ATRNL1: variants seen among roughly 807,000 people sequenced by gnomAD.
ATRNL1 encodes the protein attractin-like protein 1.
A neutral mutation model predicts 182.7 loss-of-function variants in ATRNL1; 95 were observed. That is an observed-to-expected ratio of 0.52 (90% CI 0.44 to 0.62). The LOEUF (loss-of-function observed/expected upper bound fraction) is 0.62. Ranked by LOEUF, ATRNL1 falls within the 20% of genes least tolerant of loss-of-function variation. The pLI, the probability that ATRNL1 is intolerant of heterozygous loss-of-function variation, is 0.00. For synonymous variants in ATRNL1, 576 were observed against 568.3 expected, an observed-to-expected ratio of 1.01 and a Z score of -0.19; for missense variants, 1,471 against 1,679.5, an observed-to-expected ratio of 0.88 and a Z score of 2.17.
At chr10:115,350,346 G>A (rs4409744) in intron 19 of ATRNL1, among the ~76,000 whole-genome samples, 41,988 of 64,760 alleles carry the variant, frequency 0.65, 11,647 homozygotes, top group South Asian at 0.67. Context: ...AAAAAAAAAA[G>A]AAAAAAAAAA....
chr10:115,289,057 T>C (rs1435419280), intron 15 of ATRNL1, among the ~76,000 whole-genome samples: 3 of 152,156 alleles, frequency 2.0e-5, no homozygotes, highest in Non-Finnish European at 4.4e-5. Flanking sequence ...TCCACATGGC[T>C]GGGGAGGCCT....
At chr10:115,865,947 G>T (rs1951431603) in intron 28 of ATRNL1, among the ~76,000 whole-genome samples, 2 of 152,082 alleles carry the variant, frequency 1.3e-5, no homozygotes, top group South Asian at 4.1e-4. Context: ...CTTGTTTTTA[G>T]AAATAGTGAC....
At chr10:115,668,882 C>G (rs1291968801) in intron 26 of ATRNL1, among the ~76,000 whole-genome samples, 1 of 152,030 alleles carries the variant, frequency 6.6e-6, no homozygotes, top group East Asian at 1.9e-4. Context: ...TATGATTACT[C>G]AGTGTTTTCA....
At chr10:115,746,575 C>A (rs1421327729) in intron 27 of ATRNL1, among the ~76,000 whole-genome samples, 3 of 151,624 alleles carry the variant, frequency 2.0e-5, no homozygotes, top group African/African-American at 7.3e-5. Context: ...CAATATTGGC[C>A]CCTATTTTTT....
chr10:115,334,882 A>C (rs1264672948), intron 19 of ATRNL1, among the ~76,000 whole-genome samples: 1 of 152,138 alleles, frequency 6.6e-6, no homozygotes, highest in Non-Finnish European at 1.5e-5. Flanking sequence ...CTGGGCTGAA[A>C]TCCCAACTCT....
chr10:115,640,881 C>A (rs1373231799), intron 26 of ATRNL1, among the ~76,000 whole-genome samples: 2 of 152,044 alleles, frequency 1.3e-5, no homozygotes, highest in African/African-American at 4.8e-5. Context: ...CCTAGGTTTT[C>A]TTCTAGAGTT....
intron 1 of ATRNL1, among the ~76,000 whole-genome samples, chr10:115,116,897 T>C (rs1844510943): frequency 6.6e-6 from 1 of 152,026 alleles, no homozygotes; most frequent in South Asian, 2.1e-4. Flanking sequence ...GAAATTGTAC[T>C]ACTGAAGTTG....
At position 115,456,488 on chromosome 10, in the gene ATRNL1, G is replaced by A. The variant is rs113756258; in HGVS notation, c.3323-5453G>A. ...ATCACACACCAGGGCCTGTCATGGG[G>A]TGACGGGTAAGGTGAAGAATAGCGT... On this transcript the variant is annotated intron_variant, in intron 21 of 28. Coordinates refer to ENST00000355044, the MANE Select transcript of ATRNL1 (RefSeq NM_207303.4). Among the ~76,000 whole-genome samples, 474 of 152,216 alleles carry A rather than the reference G, an allele frequency of 3.1e-3. 4 individuals carry two copies. The highest frequency in any genetic ancestry group is 0.011 in the African/African-American group (456 of 41,534).
At chr10:115,333,654 T>G (rs185415252) in intron 18 of ATRNL1, among the ~76,000 whole-genome samples, 46 of 151,900 alleles carry the variant, frequency 3.0e-4, no homozygotes, top group Non-Finnish European at 5.6e-4. Flanking sequence ...CCAGCTAATT[T>G]TTTTGTATTT....
intron 27 of ATRNL1, among the ~76,000 whole-genome samples, chr10:115,831,149 G>T (rs1950550883): frequency 6.6e-6 from 1 of 152,086 alleles, no homozygotes; most frequent in South Asian, 2.1e-4. Flanking sequence ...GGGCTGGTTG[G>T]TTCGTTGGTA....
chr10:115,743,238 T>TTAAAA (rs373811994), intron 27 of ATRNL1, among the ~76,000 whole-genome samples: 1 of 115,988 alleles, frequency 8.6e-6, no homozygotes, highest in South Asian at 3.1e-4. Flanking sequence ...TCTCTTATAG[T>TTAAAA]AAAAAAAAAA....
intron 26 of ATRNL1, among the ~76,000 whole-genome samples, chr10:115,678,501 C>T (rs1156690005): frequency 6.6e-6 from 1 of 152,042 alleles, no homozygotes; most frequent in Non-Finnish European, 1.5e-5. Context: ...TCTTTTATTA[C>T]CACTTTGCTC....
At chr10:115,254,989 G>A (rs530835564) in intron 10 of ATRNL1, among the ~76,000 whole-genome samples, 377 of 152,220 alleles carry the variant, frequency 2.5e-3, no homozygotes, top group African/African-American at 6.8e-3. Flanking sequence ...TGTTCCATTG[G>A]TCTATATCTC....
chr10:115,727,367 G>A lies in ATRNL1; in HGVS notation c.3903+12G>A, dbSNP rs782526709. ...GAGGGCCATTAGAGGTAGGAACAGC[G>A]GTGCTGAAAGAGGACCACTGTGCTT... On this transcript the variant is annotated intron_variant, in intron 27 of 28. Transcript: ENST00000355044. 2.8e-5 allele frequency: 44 copies of A among 1,595,712 alleles called. No homozygotes were observed. In the South Asian group the frequency reaches 3.9e-4, roughly 14 times the overall value.
chr10:115,627,767 C>G (rs960144129), intron 26 of ATRNL1, among the ~76,000 whole-genome samples: 3 of 152,092 alleles, frequency 2.0e-5, no homozygotes, highest in African/African-American at 7.2e-5. Flanking sequence ...GCTAAGAACA[C>G]GAGTGTATTT....
intron 25 of ATRNL1, among the ~76,000 whole-genome samples, chr10:115,532,932 A>G (rs1554988817): frequency 1.3e-5 from 2 of 150,992 alleles, no homozygotes; most frequent in African/African-American, 4.8e-5. Context: ...ATTTGCGTAT[A>G]TTGAACCAGC....
chr10:115,526,331 C>T (rs782584216), intron 25 of ATRNL1, among the ~76,000 whole-genome samples: 1 of 152,118 alleles, frequency 6.6e-6, no homozygotes, highest in Non-Finnish European at 1.5e-5. Context: ...ATCAGGGCCT[C>T]ATTTAAAGCT....
chr10:115,258,378 A>G (rs1554907634), intron 10 of ATRNL1, among the ~76,000 whole-genome samples: 1 of 151,934 alleles, frequency 6.6e-6, no homozygotes, highest in Non-Finnish European at 1.5e-5. Context: ...TCAGTCACTG[A>G]TACCCTTTCT....
chr10:115,911,054 G>A (rs1160518885), intron 28 of ATRNL1, among the ~76,000 whole-genome samples: 2 of 151,988 alleles, frequency 1.3e-5, no homozygotes, highest in African/African-American at 4.8e-5. Context: ...GCCCAGGCTG[G>A]AGTGCAATAG....
Sources: gnomAD v4.1 joint callset for allele counts (sites outside exome capture counted in the v4.1 genomes callset) on GRCh38, gnomAD v4.1.1 for gene constraint, MANE v1.5 for transcripts, NCBI Gene and HGNC (gene_info 2026-07-23, HGNC 2026-07-21) for gene names.